Variants in DHX36 observed in about 807,000 individuals in gnomAD.
The protein encoded by DHX36 is ATP-dependent DNA/RNA helicase DHX36.
Under a neutral mutation model 139.0 loss-of-function variants are expected in DHX36, and 50 were observed. The ratio of observed to expected loss-of-function variants is 0.36; its 90% confidence interval spans 0.29 to 0.46. The LOEUF (loss-of-function observed/expected upper bound fraction) is 0.46, where lower values mean the gene tolerates loss of function less well. DHX36 is among the 20% of genes least tolerant of loss of function. DHX36 has a pLI of 1.00. For synonymous variants in DHX36, 425 were observed against 401.9 expected, an observed-to-expected ratio of 1.06 and a Z score of -0.69; for missense variants, 1,024 against 1,211.3, an observed-to-expected ratio of 0.85 and a Z score of 2.29.
At chr3:154,314,984 C>A in intron 3 of DHX36, 62 bp downstream of exon 3, 1 of 1,155,952 alleles carries the variant, frequency 8.7e-7, no homozygotes, top group Non-Finnish European at 1.2e-6. Flanking sequence ...TCTAACCATA[C>A]ATACATTTTT....
chr3:154,311,752 CAG>C, intron 3 of DHX36, 78 bp from the exon 4 acceptor site: 1 of 1,135,000 alleles, frequency 8.8e-7, no homozygotes, highest in Non-Finnish European at 1.3e-6. Context: ...GGATACATCA[CAG>C]GGTAAATTGG....
chr3:154,311,480 T>C (rs181985000), intron 4 of DHX36, among the ~76,000 whole-genome samples, 156 bp downstream of exon 4: 1 of 152,160 alleles, frequency 6.6e-6, no homozygotes, highest in African/African-American at 2.4e-5. Flanking sequence ...ACCTTTTTTT[T>C]CTTTTTGTCC....
At position 154,283,118 on chromosome 3, in the gene DHX36, T is replaced by G. The variant is rs185469811; in HGVS notation, c.2376+70A>C. On this transcript the variant is annotated intron_variant, in intron 20 of 24. Transcript: ENST00000496811. ...TTGACTTTTTTGCTATAGATCTAAT[T>G]GTACAAAATGGATGTATATATTCTC... The G allele has an allele frequency of 9.4e-5, 115 of 1,223,734 alleles. 1 individual carries two copies. In the African/African-American group the frequency reaches 1.4e-3, roughly 15 times the overall value. 75.8% of individuals were successfully genotyped at this position (1,223,734 alleles called of 1,614,324 possible). A position where few individuals can be genotyped will look rare whatever the true frequency, so the allele number is the denominator to read the frequency against.
intron 5 of DHX36, among the ~76,000 whole-genome samples, chr3:154,308,321 T>C (rs1306271744): frequency 6.6e-6 from 1 of 152,204 alleles, no homozygotes; most frequent in East Asian, 1.9e-4. Context: ...AGTGCTGTCA[T>C]AATTGGTAAT....
At chr3:154,292,985 C>T (rs942997434) in intron 14 of DHX36, among the ~76,000 whole-genome samples, 1 of 152,120 alleles carries the variant, frequency 6.6e-6, no homozygotes, top group East Asian at 1.9e-4. Flanking sequence ...TACTTGCCTA[C>T]AGTCAAATAT....
At chr3:154,285,272 A>G (rs1281276210) in intron 17 of DHX36, among the ~76,000 whole-genome samples, 1 of 152,224 alleles carries the variant, frequency 6.6e-6, no homozygotes, top group East Asian at 1.9e-4. Context: ...CACCTAATAA[A>G]GTATAAAAGT....
intron 12 of DHX36, among the ~76,000 whole-genome samples, chr3:154,297,252 G>A (rs1159891338): frequency 1.3e-5 from 2 of 152,202 alleles, no homozygotes; most frequent in African/African-American, 4.8e-5. Context: ...TTATCAGATG[G>A]TATTAAGGAT....
At position 154,304,983 on chromosome 3, in the gene DHX36, A is replaced by T. The variant is rs1051790823; in HGVS notation, c.969-11T>A. ...ACACTGGACAAATACCTAAGGCAGA[A>T]GTGTGAAGTACAAAATTTTAAAACC... is the stretch of plus-strand genomic sequence containing the variant. On this transcript the variant is annotated splice_polypyrimidine_tract_variant and intron_variant, in intron 7 of 24. Transcript: ENST00000496811. 6.3e-7 allele frequency: 1 copy of T among 1,597,294 alleles called. No individual in the cohort carries two copies. The highest frequency in any genetic ancestry group is 1.4e-5 in the African/African-American group (1 of 73,808).
At chr3:154,311,572 G>A (rs1712763867) in intron 4 of DHX36, 64 bp downstream of exon 4, 3 of 1,376,068 alleles carry the variant, frequency 2.2e-6, no homozygotes, top group Non-Finnish European at 2.0e-6. Context: ...TTGATATAGA[G>A]CTTTAAAAAA....
At chr3:154,294,829 G>T (rs1463177483) in intron 13 of DHX36, among the ~76,000 whole-genome samples, 1 of 152,178 alleles carries the variant, frequency 6.6e-6, no homozygotes, top group Non-Finnish European at 1.5e-5. Flanking sequence ...GAAAGCGCCT[G>T]TATCTGATGG....
chr3:154,317,628 G>GT (rs1713034716), intron 1 of DHX36, among the ~76,000 whole-genome samples: 1 of 152,134 alleles, frequency 6.6e-6, no homozygotes, highest in African/African-American at 2.4e-5. Context: ...TAAAATGGAC[G>GT]TAAGTAAGGC....
intron 8 of DHX36, among the ~76,000 whole-genome samples, chr3:154,304,082 T>C (rs1183352099): frequency 3.3e-5 from 5 of 152,256 alleles, no homozygotes; most frequent in Admixed American, 6.5e-5. Flanking sequence ...ATAACAATAA[T>C]AACACCTACC....
In DHX36 at chr3:154,309,834, A is replaced by C. The variant is rs1051260990; in HGVS notation, c.643-11T>G. 8 of 1,566,092 alleles carry C rather than the reference A, an allele frequency of 5.1e-6. No homozygotes were observed. The African/African-American group carries it at 1.1e-4, about 21-fold the overall frequency. ...TAAATTTACCAATTCCTATTTCAAA[A>C]GGGAAAATAAAGAATATCACATGTT... is the stretch of plus-strand genomic sequence containing the variant. On this transcript the variant is annotated splice_polypyrimidine_tract_variant and intron_variant, in intron 4 of 24. Coordinates refer to ENST00000496811, the MANE Select transcript of DHX36 (RefSeq NM_020865.3).
At chr3:154,282,231 T>C (rs1053746336) in intron 20 of DHX36, among the ~76,000 whole-genome samples, 2 of 152,122 alleles carry the variant, frequency 1.3e-5, no homozygotes, top group African/African-American at 4.8e-5. Flanking sequence ...AATGGATGAG[T>C]CCTGTCTTCC....
At chr3:154,302,430 TA>T (rs1309433389) in intron 9 of DHX36, among the ~76,000 whole-genome samples, 1 of 152,178 alleles carries the variant, frequency 6.6e-6, no homozygotes, top group Admixed American at 6.6e-5. Flanking sequence ...CACATTGTTT[TA>T]TTTTTTTGGT....
intron 6 of DHX36, among the ~76,000 whole-genome samples, chr3:154,305,946 G>A (rs996454807): frequency 6.6e-6 from 1 of 152,114 alleles, no homozygotes; most frequent in Non-Finnish European, 1.5e-5. Flanking sequence ...TTCAGAGAGA[G>A]TAATGGTCTA....
At position 154,292,709 on chromosome 3, in the gene DHX36, G is replaced by A. The variant is rs759935108; in HGVS notation, c.1671-15C>T. Reference sequence around the variant, plus strand: ...CTATGGTAATGCTGTTTGGAAAACAGATATATAAAATGTTAAAACACACAC... The same window carrying A: ...CTATGGTAATGCTGTTTGGAAAACAAATATATAAAATGTTAAAACACACAC... On this transcript the variant is annotated splice_polypyrimidine_tract_variant and intron_variant, in intron 14 of 24. Coordinates refer to ENST00000496811, the MANE Select transcript of DHX36 (RefSeq NM_020865.3). 6.2e-7 allele frequency: 1 copy of A among 1,602,762 alleles called. No individual in the cohort carries two copies. Among genetic ancestry groups the A allele is most frequent in the African/African-American group, 1.4e-5 (1 of 71,326 alleles).
In DHX36 at chr3:154,312,624, T is replaced by C. The variant is rs373710815; in HGVS notation, c.604-950A>G. Among the ~76,000 whole-genome samples the C allele has an allele frequency of 1.7e-3, 255 of 151,330 alleles. 2 individuals carry two copies. The highest frequency in any genetic ancestry group is 5.9e-3 in the African/African-American group (245 of 41,306). On this transcript the variant is annotated intron_variant, in intron 3 of 24. Transcript: ENST00000496811. ...TTGGGAAGCCGAGGCAGGCAGATCA[T>C]GAGGTCAGGAGTTTGAGACCAGCCT...
chr3:154,295,245 G>A (rs769805643), intron 13 of DHX36, 39 bp downstream of exon 13: 2 of 1,330,318 alleles, frequency 1.5e-6, no homozygotes, highest in Admixed American at 4.4e-5. Flanking sequence ...GCTTGCCTCA[G>A]TTTGAAATAC....
Sources: gnomAD v4.1 joint callset for allele counts (sites outside exome capture counted in the v4.1 genomes callset) on GRCh38, gnomAD v4.1.1 for gene constraint, MANE v1.5 for transcripts, NCBI Gene and HGNC (gene_info 2026-07-23, HGNC 2026-07-21) for gene names.